Variants in GALNT18 observed in about 807,000 individuals in gnomAD.
GALNT18 encodes the protein GalNAc-transferase 18.
A neutral mutation model predicts 69.5 loss-of-function variants in GALNT18; 44 were observed. The observed-to-expected ratio is 0.63, with a 90% CI of 0.50 to 0.81. The LOEUF (loss-of-function observed/expected upper bound fraction) is 0.81, where lower values mean the gene tolerates loss of function less well. Among genes scored for constraint, GALNT18 ranks in the 40% least tolerant of loss-of-function variants. The pLI is 0.00. For missense variants in GALNT18, 715 were observed against 810.0 expected (o/e 0.88, Z 1.42); for synonymous variants, 364 against 318.2 (o/e 1.14, Z -1.53).
At chr11:11,551,691 C>T (rs1253265962) in intron 1 of GALNT18, among the ~76,000 whole-genome samples, 5 of 152,210 alleles carry the variant, frequency 3.3e-5, no homozygotes, top group Admixed American at 1.3e-4. Flanking sequence ...AAAATTGTCT[C>T]ACGCTTCCAT....
chr11:11,275,451 G>A (rs958335983), intron 10 of GALNT18, among the ~76,000 whole-genome samples: 1 of 152,076 alleles, frequency 6.6e-6, no homozygotes, highest in Admixed American at 6.5e-5. Context: ...TTGTCAGATG[G>A]ACAGATTGCC....
At chr11:11,475,183 CTTTCT>C (rs1475118699) in intron 1 of GALNT18, 2 of 64,068 alleles carry the variant, frequency 3.1e-5, no homozygotes, top group South Asian at 9.2e-4. Context: ...AAGATCTCTT[CTTTCT>C]TTTTTCTTAT....
At chr11:11,560,077 GGATA>G (rs1858443534) in intron 1 of GALNT18, among the ~76,000 whole-genome samples, 1 of 41,368 alleles carries the variant, frequency 2.4e-5, no homozygotes, top group Non-Finnish European at 5.1e-5. Context: ...GAATAGAATG[GGATA>G]TGATGGGCGG....
At chr11:11,576,246 C>G (rs1858920611) in intron 1 of GALNT18, among the ~76,000 whole-genome samples, 1 of 152,264 alleles carries the variant, frequency 6.6e-6, no homozygotes, top group African/African-American at 2.4e-5. Context: ...AGGGCAGGAC[C>G]TTGGTCAGAC....
At chr11:11,441,499 C>A (rs1855530571) in intron 2 of GALNT18, among the ~76,000 whole-genome samples, 1 of 152,118 alleles carries the variant, frequency 6.6e-6, no homozygotes, top group Non-Finnish European at 1.5e-5. Context: ...AATCATAAGA[C>A]CCCAGTAAAA....
At chr11:11,334,958 A>G (rs542299010) in intron 7 of GALNT18, among the ~76,000 whole-genome samples, 1 of 152,232 alleles carries the variant, frequency 6.6e-6, no homozygotes, top group African/African-American at 2.4e-5. Context: ...TTCATTAAGT[A>G]TTAACCCTTC....
rs1190060122 is a variant in GALNT18 at position 11,619,145 on chromosome 11, G to T, written c.235+2214C>A. ...AACCTGGTAACCTCTGCCCCTGCCT[G>T]CCTCATTTCCAGTCTTTCCAAGTCA... is the stretch of plus-strand genomic sequence containing the variant. On this transcript the variant is annotated intron_variant, in intron 1 of 10. Coordinates refer to ENST00000227756, the MANE Select transcript of GALNT18 (RefSeq NM_198516.3). The surrounding 1 kb of genome is among the most constrained non-coding windows in gnomAD (Gnocchi z 4.9). Among the ~76,000 whole-genome samples, 1 of 152,082 alleles carries T rather than the reference G, an allele frequency of 6.6e-6. No individual in the cohort carries two copies. The highest frequency in any genetic ancestry group is 2.4e-5 in the African/African-American group (1 of 41,398).
chr11:11,597,720 G>C (rs148473964), intron 1 of GALNT18, among the ~76,000 whole-genome samples: 1,871 of 150,862 alleles, frequency 0.012, 47 homozygotes, highest in African/African-American at 0.044. Context: ...GAGTGCAGTG[G>C]AGCGATCTGG....
At chr11:11,565,295 A>G (rs1261497708) in intron 1 of GALNT18, among the ~76,000 whole-genome samples, 1 of 152,158 alleles carries the variant, frequency 6.6e-6, no homozygotes, top group Non-Finnish European at 1.5e-5. Context: ...GGGATCCCCA[A>G]CTCTAAGCAA....
intron 6 of GALNT18, among the ~76,000 whole-genome samples, chr11:11,369,075 T>G (rs1850837664): frequency 6.6e-6 from 1 of 152,256 alleles, no homozygotes; most frequent in Non-Finnish European, 1.5e-5. Context: ...CTGTATTCTA[T>G]GAAGTTGAGA....
chr11:11,545,077 A>G (rs2133961070), intron 1 of GALNT18, among the ~76,000 whole-genome samples: 1 of 152,316 alleles, frequency 6.6e-6, no homozygotes, highest in East Asian at 1.9e-4. Flanking sequence ...ACCAAACCAC[A>G]TGAGGTAGAA....
chr11:11,621,450 G>C lies in GALNT18; in HGVS notation c.144C>G (p.Pro48=), dbSNP rs892770802. ...CTTTGTCTTCCTCCAGCTTCTTGTC[G>C]GGCGCCGGCTCCTGCCCCCGCACAT... ...SVYVRGQEPA[P]DKKLEEDKGD... The change falls in exon 1 of 11, where the codon CCC becomes CCG. Residue 48 remains proline (P), a synonymous_variant. Transcript: ENST00000227756. The surrounding 1 kb of genome is among the most constrained non-coding windows in gnomAD (Gnocchi z 9.3). 2.5e-6 allele frequency: 4 copies of C among 1,614,014 alleles called. No homozygotes were observed. The African/African-American group carries it at 5.3e-5, about 22-fold the overall frequency.
chr11:11,484,589 A>T (rs1856602263), intron 1 of GALNT18, among the ~76,000 whole-genome samples: 1 of 101,054 alleles, frequency 9.9e-6, no homozygotes, highest in Non-Finnish European at 2.2e-5. Context: ...GCAAAACTCC[A>T]TCTCAAAAAA....
At chr11:11,281,786 G>A (rs1226787874) in intron 10 of GALNT18, among the ~76,000 whole-genome samples, 2 of 152,134 alleles carry the variant, frequency 1.3e-5, no homozygotes, top group East Asian at 1.9e-4. Flanking sequence ...AAGGGATGTG[G>A]GAAGGATGGA....
chr11:11,334,758 T>C (rs1431878221), intron 7 of GALNT18, among the ~76,000 whole-genome samples: 1 of 152,186 alleles, frequency 6.6e-6, no homozygotes, highest in Non-Finnish European at 1.5e-5. Context: ...TCTCTGCAAC[T>C]GTTATCCTAG....
intron 1 of GALNT18, among the ~76,000 whole-genome samples, chr11:11,510,520 C>T (rs1036222314): frequency 7.9e-5 from 12 of 152,190 alleles, no homozygotes; most frequent in African/African-American, 2.9e-4. Flanking sequence ...CCTTAGAACA[C>T]AAACTATATG....
At chr11:11,391,643 T>C (rs567286037) in intron 3 of GALNT18, among the ~76,000 whole-genome samples, 5 of 152,352 alleles carry the variant, frequency 3.3e-5, no homozygotes, top group African/African-American at 1.2e-4. Context: ...ATCTTTATAC[T>C]CTTAGGCCCG....
intron 1 of GALNT18, among the ~76,000 whole-genome samples, chr11:11,534,436 A>T (rs1447678246): frequency 6.6e-6 from 1 of 152,246 alleles, no homozygotes; most frequent in Non-Finnish European, 1.5e-5. Flanking sequence ...GTCAACAGAC[A>T]TTTGCTCAAT....
At chr11:11,287,433 G>A (rs1849214565) in intron 10 of GALNT18, among the ~76,000 whole-genome samples, 1 of 152,162 alleles carries the variant, frequency 6.6e-6, no homozygotes, top group Admixed American at 6.5e-5. Flanking sequence ...CCGAGAGTCA[G>A]TCCTCTGCTT....
Sources: gnomAD v4.1 joint callset for allele counts (sites outside exome capture counted in the v4.1 genomes callset) on GRCh38, gnomAD v4.1.1 for gene constraint, Gnocchi (gnomAD v3.1) non-coding constraint, MANE v1.5 for transcripts, NCBI Gene and HGNC (gene_info 2026-07-23, HGNC 2026-07-21) for gene names.